ATXN1: variants seen among roughly 807,000 people sequenced by gnomAD.
The protein encoded by ATXN1 is ataxin 1.
A neutral mutation model predicts 56.4 loss-of-function variants in ATXN1; 8 were observed. The observed-to-expected ratio is 0.14, with a 90% CI of 0.08 to 0.26. The LOEUF (loss-of-function observed/expected upper bound fraction) is 0.26. Ranked by LOEUF, ATXN1 falls within the 10% of genes least tolerant of loss-of-function variation. ATXN1 has a pLI of 1.00. For synonymous variants in ATXN1, 514 were observed against 494.6 expected (o/e 1.04, Z -0.52); for missense variants, 987 against 1,106.5 (o/e 0.89, Z 1.53).
At chr6:16,408,068 T>C (rs1305001360) in intron 6 of ATXN1, among the ~76,000 whole-genome samples, 1 of 152,060 alleles carries the variant, frequency 6.6e-6, no homozygotes, top group Non-Finnish European at 1.5e-5. Flanking sequence ...ATTAGGAATA[T>C]CTACCAACCC....
chr6:16,312,375 A>G (rs1180566771), intron 7 of ATXN1, among the ~76,000 whole-genome samples: 2 of 151,866 alleles, frequency 1.3e-5, no homozygotes, highest in African/African-American at 2.4e-5. Context: ...ATTGTGAAAT[A>G]GCAAAAGAAC....
chr6:16,684,156 T>C (rs1758870392), intron 2 of ATXN1, among the ~76,000 whole-genome samples: 1 of 152,148 alleles, frequency 6.6e-6, no homozygotes. Context: ...ATTTCTCAGA[T>C]CTCCTTTGGA....
At chr6:16,332,070 T>C (rs1322212221) in intron 6 of ATXN1, among the ~76,000 whole-genome samples, 1 of 152,202 alleles carries the variant, frequency 6.6e-6, no homozygotes, top group African/African-American at 2.4e-5. Context: ...AAGGACACAA[T>C]GATTAAGACA....
rs373076006 is a variant in ATXN1, at chr6:16,375,456, G to A, written c.-160-46986C>T. 1.1e-4 allele frequency among the ~76,000 whole-genome samples: 16 copies of A among 152,292 alleles called. No individual in the cohort carries two copies. The East Asian group carries it at 3.1e-3, about 29-fold the overall frequency. ...TGCTAACACCCATCCTGAGCCCAGC[G>A]AATGTCCTTCTATGCCTGGTTACAA... On this transcript the variant is annotated intron_variant, in intron 6 of 7. Coordinates refer to ENST00000436367, the MANE Select transcript of ATXN1 (RefSeq NM_001128164.2).
intron 3 of ATXN1, among the ~76,000 whole-genome samples, chr6:16,603,963 C>A (rs73370659): frequency 6.6e-6 from 1 of 151,994 alleles, no homozygotes; most frequent in Non-Finnish European, 1.5e-5. Flanking sequence ...GGGTCTCTAC[C>A]AGGATTTTCC....
intron 6 of ATXN1, among the ~76,000 whole-genome samples, chr6:16,343,517 A>T (rs1326129307): frequency 6.6e-6 from 1 of 152,114 alleles, no homozygotes; most frequent in Non-Finnish European, 1.5e-5. Context: ...GCATCCTTTA[A>T]GCCCTTAAAG....
At chr6:16,585,670 T>C (rs1762608251) in intron 4 of ATXN1, 110 bp downstream of exon 4, 1 of 152,206 alleles carries the variant, frequency 6.6e-6, no homozygotes, top group African/African-American at 2.4e-5. Flanking sequence ...CATGTGTATG[T>C]TGTGTGTGTA....
intron 4 of ATXN1, among the ~76,000 whole-genome samples, chr6:16,542,293 G>T (rs977825609): frequency 6.6e-6 from 1 of 152,126 alleles, no homozygotes; most frequent in African/African-American, 2.4e-5. Flanking sequence ...TTTCATCACC[G>T]CATCCTATTT....
At chr6:16,472,838 G>C (rs1439663797) in intron 6 of ATXN1, among the ~76,000 whole-genome samples, 9 of 152,184 alleles carry the variant, frequency 5.9e-5, no homozygotes, top group Non-Finnish European at 4.4e-5. Flanking sequence ...AAAGGTGCCA[G>C]AGCAGAACCC....
chr6:16,435,419 C>T (rs757557367), intron 6 of ATXN1, among the ~76,000 whole-genome samples: 27 of 151,826 alleles, frequency 1.8e-4, no homozygotes, highest in Non-Finnish European at 2.8e-4. Flanking sequence ...CACTTAGAGG[C>T]GTAGAAAGCA....
chr6:16,601,006 G>C (rs534225806), intron 3 of ATXN1, among the ~76,000 whole-genome samples: 2 of 152,292 alleles, frequency 1.3e-5, no homozygotes, highest in Admixed American at 6.5e-5. Flanking sequence ...ATCTAGGCTA[G>C]GGGAGGTAAT....
intron 2 of ATXN1, among the ~76,000 whole-genome samples, chr6:16,708,708 A>C (rs1356317605): frequency 6.6e-6 from 1 of 152,190 alleles, no homozygotes; most frequent in East Asian, 1.9e-4. Context: ...AAAAAAAAGA[A>C]GACGTTCAAA....
rs1198500936 is a variant in ATXN1, at chr6:16,606,641, G to GTAGT, written c.-488-20735_-488-20734insACTA. Among the ~76,000 whole-genome samples the GTAGT allele has an allele frequency of 7.2e-4, 110 of 151,846 alleles. 1 individual carries two copies. The Middle Eastern group carries it at 0.01, about 14-fold the overall frequency. ...ACTCCTGGGTTCAAGTGATTCTCCT[G>GTAGT]CCTCAGCCTCCCAAGTAGCTGGGAC... On this transcript the variant is annotated intron_variant, in intron 3 of 7. Coordinates refer to ENST00000436367, the MANE Select transcript of ATXN1 (RefSeq NM_001128164.2).
chr6:16,560,811 T>C (rs1044714743), intron 4 of ATXN1, among the ~76,000 whole-genome samples: 1 of 152,240 alleles, frequency 6.6e-6, no homozygotes, highest in Non-Finnish European at 1.5e-5. Context: ...TGACCATTTT[T>C]AGCATCACAG....
At chr6:16,726,380 C>CAAA (rs10716233) in intron 2 of ATXN1, among the ~76,000 whole-genome samples, 4 of 124,268 alleles carry the variant, frequency 3.2e-5, no homozygotes, top group African/African-American at 5.9e-5. Context: ...GACTCTGTCT[C>CAAA]AAAAAAAAAA....
At chr6:16,671,251 A>C (rs1758533942) in intron 2 of ATXN1, among the ~76,000 whole-genome samples, 2 of 152,048 alleles carry the variant, frequency 1.3e-5, no homozygotes, top group Non-Finnish European at 2.9e-5. Flanking sequence ...TGCCTTTACA[A>C]AGTTTACATT....
intron 4 of ATXN1, among the ~76,000 whole-genome samples, chr6:16,558,696 TA>T (rs1561754400): frequency 6.6e-6 from 1 of 151,882 alleles, no homozygotes. Context: ...AAAATACTAA[TA>T]AAAAATACGA....
intron 7 of ATXN1, among the ~76,000 whole-genome samples, chr6:16,310,426 C>T (rs989564729): frequency 6.6e-6 from 1 of 152,178 alleles, no homozygotes; most frequent in African/African-American, 2.4e-5. Flanking sequence ...ATGGTAGATA[C>T]ATGGTGAATC....
intron 6 of ATXN1, among the ~76,000 whole-genome samples, chr6:16,381,635 T>C (rs534209121): frequency 7.9e-5 from 12 of 152,354 alleles, no homozygotes; most frequent in African/African-American, 2.4e-4. Flanking sequence ...TCAACAACAT[T>C]CACTTCCTCT....
Sources: allele counts gnomAD v4.1 joint callset (sites outside exome capture counted in the v4.1 genomes callset), GRCh38; gene constraint gnomAD v4.1.1; transcripts MANE v1.5; gene names NCBI Gene and HGNC (gene_info 2026-07-23, HGNC 2026-07-21).